Variants in NXPH1 observed in about 807,000 individuals in gnomAD.
NXPH1 encodes neurexophilin-1.
A neutral mutation model predicts 23.7 loss-of-function variants in NXPH1; 5 were observed. That is an observed-to-expected ratio of 0.21 (90% confidence interval 0.11 to 0.44). The LOEUF (loss-of-function observed/expected upper bound fraction) is 0.44. Among genes scored for constraint, NXPH1 ranks in the 20% least tolerant of loss-of-function variants. NXPH1 has a pLI of 0.99. For missense variants in NXPH1, 324 were observed against 321.6 expected (o/e 1.01, Z -0.06); for synonymous variants, 144 against 122.2 (o/e 1.18, Z -1.18).
At chr7:8,646,765 A>ATT (rs1174221928) in intron 2 of NXPH1, among the ~76,000 whole-genome samples, 2 of 152,228 alleles carry the variant, frequency 1.3e-5, no homozygotes, top group African/African-American at 4.8e-5. Flanking sequence ...TGGACCCCAA[A>ATT]CAGTCCCTCT....
chr7:8,452,986 T>G (rs1031830635), intron 2 of NXPH1, among the ~76,000 whole-genome samples: 4 of 152,110 alleles, frequency 2.6e-5, no homozygotes, highest in African/African-American at 9.7e-5. Context: ...CATCAGAACA[T>G]GTACCCCAGG....
At chr7:8,467,327 G>A (rs950798641) in intron 2 of NXPH1, among the ~76,000 whole-genome samples, 5 of 152,150 alleles carry the variant, frequency 3.3e-5, no homozygotes, top group Non-Finnish European at 5.9e-5. Flanking sequence ...AACATCAGGT[G>A]ATGAAGCCTC....
intron 2 of NXPH1, among the ~76,000 whole-genome samples, chr7:8,588,815 G>T (rs1345492524): frequency 6.6e-6 from 1 of 152,096 alleles, no homozygotes; most frequent in Non-Finnish European, 1.5e-5. Flanking sequence ...GGTTGACATG[G>T]ACAGGGTGCT....
Position 8,643,005 on chromosome 7 carries a change from C to T in NXPH1, c.55-108003C>T, listed in dbSNP as rs149058181. On this transcript the variant is annotated intron_variant, in intron 2 of 2. Coordinates refer to ENST00000405863, the MANE Select transcript of NXPH1 (RefSeq NM_152745.3). ...TCAGCCTCCCAAGTAGCTGGAACTA[C>T]GGGTGCACGCCACCATGCCTGGCTA... Among the ~76,000 whole-genome samples the T allele has an allele frequency of 4.6e-3, 703 of 152,082 alleles. 5 individuals are homozygous for T. The highest frequency in any genetic ancestry group is 0.016 in the African/African-American group (666 of 41,488).
chr7:8,619,847 T>C (rs1819827219), intron 2 of NXPH1, among the ~76,000 whole-genome samples: 1 of 152,222 alleles, frequency 6.6e-6, no homozygotes, highest in South Asian at 2.1e-4. Flanking sequence ...TTATTATCTC[T>C]ATTTTACAAC....
intron 2 of NXPH1, among the ~76,000 whole-genome samples, chr7:8,579,110 G>A (rs1473358124): frequency 6.6e-6 from 1 of 152,176 alleles, no homozygotes; most frequent in Non-Finnish European, 1.5e-5. Context: ...TGAAGTGCAA[G>A]GCTGCGTGTG....
At chr7:8,577,443 T>C (rs372737749) in intron 2 of NXPH1, among the ~76,000 whole-genome samples, 82 of 152,298 alleles carry the variant, frequency 5.4e-4, no homozygotes, top group African/African-American at 1.7e-3. Flanking sequence ...GTAGTTTCAT[T>C]ACTTGCTTCA....
At chr7:8,436,443 A>G (rs906220391) in intron 2 of NXPH1, among the ~76,000 whole-genome samples, 12 of 152,174 alleles carry the variant, frequency 7.9e-5, no homozygotes, top group Non-Finnish European at 1.5e-4. Flanking sequence ...CCTTGTCGCC[A>G]GGGAGAGAAT....
chr7:8,433,889 C>A lies in NXPH1; in HGVS notation c.-977C>A, dbSNP rs1253338458. On this transcript the variant is annotated 5_prime_UTR_variant, in exon 1 of 3. It adds an upstream start codon to the 5' untranslated region. Coordinates refer to ENST00000405863, the MANE Select transcript of NXPH1 (RefSeq NM_152745.3). This position sits in a 1 kb window ranked among gnomAD's most constrained non-coding sequence, Gnocchi z 6.8. ...CCCTGTGGGCCCAGCCCGCGAGAGC[C>A]TGAGAGCCGGATCTGTTTACACAGG... 1.3e-5 allele frequency: 2 copies of A among 152,342 alleles called. No homozygotes were observed. The highest frequency in any genetic ancestry group is 2.9e-5 in the Non-Finnish European group (2 of 68,122). The allele number at this position is 152,342 out of a possible 1,614,324, so 9.4% of individuals were successfully genotyped here.
In NXPH1 at chr7:8,746,078, C is replaced by G. The variant is rs79825518; in HGVS notation, c.55-4930C>G. Among the ~76,000 whole-genome samples, 420 of 152,272 alleles carry G rather than the reference C, an allele frequency of 2.8e-3. 2 individuals are homozygous for G. Among genetic ancestry groups the G allele is most frequent in the African/African-American group, 9.8e-3 (406 of 41,552 alleles). ...TGCCTCCAGTAGACTGTGAACTTCT[C>G]GAGAGCCAGGACCATGTGCCATTGA... On this transcript the variant is annotated intron_variant, in intron 2 of 2. Coordinates refer to ENST00000405863, the MANE Select transcript of NXPH1 (RefSeq NM_152745.3).
intron 2 of NXPH1, among the ~76,000 whole-genome samples, chr7:8,646,820 G>T (rs1820405938): frequency 6.6e-6 from 1 of 151,412 alleles, no homozygotes; most frequent in Non-Finnish European, 1.5e-5. Context: ...TTTAAATAAG[G>T]TTTACTTAAT....
At chr7:8,446,297 T>C (rs1352897582) in intron 2 of NXPH1, among the ~76,000 whole-genome samples, 1 of 152,176 alleles carries the variant, frequency 6.6e-6, no homozygotes, top group Non-Finnish European at 1.5e-5. Context: ...GTACTTGACG[T>C]GTTTTGAAAG....
At chr7:8,535,135 A>G (rs1818007969) in intron 2 of NXPH1, among the ~76,000 whole-genome samples, 1 of 152,048 alleles carries the variant, frequency 6.6e-6, no homozygotes, top group African/African-American at 2.4e-5. Context: ...GACCCAGATA[A>G]AGTTAAAATA....
intron 2 of NXPH1, among the ~76,000 whole-genome samples, chr7:8,649,823 G>T (rs1820462181): frequency 6.6e-6 from 1 of 152,192 alleles, no homozygotes; most frequent in South Asian, 2.1e-4. Context: ...ACTTGGTGTT[G>T]GGTAGTGGGT....
chr7:8,608,176 G>A (rs1819542208), intron 2 of NXPH1, among the ~76,000 whole-genome samples: 1 of 152,106 alleles, frequency 6.6e-6, no homozygotes, highest in African/African-American at 2.4e-5. Flanking sequence ...AGCAGCCTGA[G>A]GAAACTAATA....
At chr7:8,672,820 T>C (rs959734533) in intron 2 of NXPH1, among the ~76,000 whole-genome samples, 2 of 152,216 alleles carry the variant, frequency 1.3e-5, no homozygotes, top group African/African-American at 4.8e-5. Flanking sequence ...TATCCCACAG[T>C]CTGCTCTGCC....
At chr7:8,569,318 T>A (rs573512771) in intron 2 of NXPH1, among the ~76,000 whole-genome samples, 24 of 151,954 alleles carry the variant, frequency 1.6e-4, no homozygotes, top group African/African-American at 5.5e-4. Context: ...TAACAACCCA[T>A]TGAAAGGGAT....
intron 2 of NXPH1, among the ~76,000 whole-genome samples, chr7:8,642,717 C>T (rs1229770537): frequency 6.6e-6 from 1 of 151,700 alleles, no homozygotes; most frequent in Non-Finnish European, 1.5e-5. Context: ...CCTTATTTTT[C>T]TTGTCTTATC....
chr7:8,750,424 C>T (rs1378046652), intron 2 of NXPH1, among the ~76,000 whole-genome samples: 8 of 152,124 alleles, frequency 5.3e-5, no homozygotes, highest in African/African-American at 1.7e-4. Context: ...CCTATTGACC[C>T]GTTCTCTAAG....
Sources: allele counts gnomAD v4.1 joint callset (sites outside exome capture counted in the v4.1 genomes callset), GRCh38; gene constraint gnomAD v4.1.1; non-coding constraint Gnocchi (gnomAD v3.1); transcripts MANE v1.5; gene names NCBI Gene and HGNC (gene_info 2026-07-23, HGNC 2026-07-21).